The following RIT2 variants were observed in gnomAD, a reference collection of about 807,000 sequenced individuals.
The protein encoded by RIT2 is GTP-binding protein Rit2.
Under a neutral mutation model 23.7 loss-of-function variants are expected in RIT2, and 24 were observed. The ratio of observed to expected loss-of-function variants is 1.01; its 90% confidence interval spans 0.73 to 1.43. The LOEUF (loss-of-function observed/expected upper bound fraction) is 1.43. Ranked by LOEUF, RIT2 falls within the 40% of genes most tolerant of loss-of-function variation. The pLI is 0.00. For missense variants in RIT2, 236 were observed against 266.9 expected (o/e 0.88, Z 0.81); for synonymous variants, 107 against 91.1 (o/e 1.17, Z -0.99).
intron 4 of RIT2, among the ~76,000 whole-genome samples, chr18:42,775,698 A>AAAATAAATAAATAAAT (rs35398594): frequency 6.8e-6 from 1 of 148,010 alleles, no homozygotes. Context: ...CTCCATCTCA[A>AAAATAAATAAATAAAT]AAATAAATAA....
At chr18:43,102,143 CTCT>C (rs1312383699) in intron 1 of RIT2, among the ~76,000 whole-genome samples, 1 of 152,146 alleles carries the variant, frequency 6.6e-6, no homozygotes, top group Non-Finnish European at 1.5e-5. Context: ...CTATGGTCTT[CTCT>C]TCTTAGGATT....
intron 4 of RIT2, among the ~76,000 whole-genome samples, chr18:42,761,853 T>C (rs1598643753): frequency 6.6e-6 from 1 of 152,102 alleles, no homozygotes; most frequent in East Asian, 1.9e-4. Context: ...ATGAATTTGC[T>C]CTTGAGATCA....
chr18:42,920,227 A>C (rs139541915), intron 4 of RIT2, among the ~76,000 whole-genome samples: 19 of 152,284 alleles, frequency 1.2e-4, no homozygotes, highest in Non-Finnish European at 2.8e-4. Context: ...GATATAAAAA[A>C]ATAAGTTCAT....
rs537644479 is a variant in RIT2, at chr18:43,073,694, C to A, written c.104-39827G>T. Among the ~76,000 whole-genome samples, 65 of 152,234 alleles carry A rather than the reference C, an allele frequency of 4.3e-4. 1 individual carries two copies. Among genetic ancestry groups the A allele is most frequent in the Middle Eastern group, 3.4e-3 (1 of 294 alleles). On this transcript the variant is annotated intron_variant, in intron 1 of 4. Coordinates refer to ENST00000326695, the MANE Select transcript of RIT2 (RefSeq NM_002930.4). ...ATACAAAGATGAAAGCAAATATGGACCCTGCCATCCAGGAATGGCAATTAG... is the reference window on the plus strand; with the variant it reads ...ATACAAAGATGAAAGCAAATATGGAACCTGCCATCCAGGAATGGCAATTAG...
At chr18:43,100,163 G>T (rs1031254375) in intron 1 of RIT2, among the ~76,000 whole-genome samples, 2 of 152,044 alleles carry the variant, frequency 1.3e-5, no homozygotes, top group African/African-American at 4.8e-5. Context: ...GAAAGGTGAG[G>T]TTTTTCAATA....
intron 3 of RIT2, among the ~76,000 whole-genome samples, chr18:42,956,974 T>A (rs1277422098): frequency 6.6e-6 from 1 of 152,188 alleles, no homozygotes; most frequent in East Asian, 1.9e-4. Flanking sequence ...AAATGTTTAC[T>A]GATAATTCAG....
At chr18:42,920,756 G>A in intron 4 of RIT2, 1 of 1,593,500 alleles carries the variant, frequency 6.3e-7, no homozygotes, top group Non-Finnish European at 8.5e-7. Context: ...CTCTTTCAGT[G>A]TAGGCTGATA....
At chr18:43,003,950 G>T (rs1448911412) in intron 2 of RIT2, among the ~76,000 whole-genome samples, 2 of 150,766 alleles carry the variant, frequency 1.3e-5, no homozygotes, top group Non-Finnish European at 1.5e-5. Flanking sequence ...ACCTTCTGTG[G>T]CAACAGGTTC....
chr18:42,752,180 A>G (rs1175171129), intron 4 of RIT2, among the ~76,000 whole-genome samples: 2 of 152,144 alleles, frequency 1.3e-5, no homozygotes, highest in African/African-American at 4.8e-5. Flanking sequence ...TTTTAGGACC[A>G]CAGCAGTCCA....
intron 4 of RIT2, among the ~76,000 whole-genome samples, chr18:42,806,559 A>G (rs1031365239): frequency 3.3e-5 from 5 of 152,194 alleles, no homozygotes; most frequent in Non-Finnish European, 5.9e-5. Flanking sequence ...AATAAATGCA[A>G]CTTGTGGCAC....
intron 4 of RIT2, among the ~76,000 whole-genome samples, chr18:42,871,446 A>G (rs1464706280): frequency 6.6e-6 from 1 of 152,184 alleles, no homozygotes; most frequent in East Asian, 1.9e-4. Flanking sequence ...AACACATTTT[A>G]TATTTCATGA....
chr18:42,843,583 G>C lies in RIT2; in HGVS notation c.426+79989C>G, dbSNP rs147504386. 4.8e-3 allele frequency among the ~76,000 whole-genome samples: 728 copies of C among 152,270 alleles called. 1 individual carries two copies. Among genetic ancestry groups the C allele is most frequent in the Non-Finnish European group, 7.4e-3 (505 of 68,018 alleles). On this transcript the variant is annotated intron_variant, in intron 4 of 4. Transcript: ENST00000326695. ...GTAGGAGATTTTATACCTCTCTCCA[G>C]AACTCCGGATTCAAAGCATAAGTCT...
chr18:42,901,647 C>T (rs1212618881), intron 4 of RIT2, among the ~76,000 whole-genome samples: 2 of 151,934 alleles, frequency 1.3e-5, no homozygotes, highest in African/African-American at 2.4e-5. Flanking sequence ...CTGTATAACT[C>T]ATTAAATCAA....
chr18:42,839,419 C>G (rs1326405676), intron 4 of RIT2, among the ~76,000 whole-genome samples: 1 of 152,142 alleles, frequency 6.6e-6, no homozygotes, highest in Non-Finnish European at 1.5e-5. Flanking sequence ...AACTATTTCC[C>G]TCAACTGAAA....
chr18:42,925,028 T>C (rs1176073364), intron 3 of RIT2, among the ~76,000 whole-genome samples: 1 of 152,082 alleles, frequency 6.6e-6, no homozygotes, highest in Non-Finnish European at 1.5e-5. Context: ...TTGCAAGAAC[T>C]GGATCACAGA....
intron 4 of RIT2, among the ~76,000 whole-genome samples, chr18:42,763,738 A>G (rs1426668995): frequency 6.6e-6 from 1 of 152,208 alleles, no homozygotes; most frequent in Non-Finnish European, 1.5e-5. Context: ...GACTCTGGTA[A>G]TAAAACTTAG....
At chr18:42,910,667 G>T (rs1383258622) in intron 4 of RIT2, among the ~76,000 whole-genome samples, 1 of 152,042 alleles carries the variant, frequency 6.6e-6, no homozygotes, top group African/African-American at 2.4e-5. Context: ...AGTTCAGCTG[G>T]GGATAGTTGG....
rs1238353149 is a variant in RIT2 at position 42,889,964 on chromosome 18, A to G, written c.426+33608T>C. ...TGTTCTTCACAAAGGACATGCATTA[A>G]AGAGATAAAACCCCTTCCCATCTCC... On this transcript the variant is annotated intron_variant, in intron 4 of 4. Coordinates refer to ENST00000326695, the MANE Select transcript of RIT2 (RefSeq NM_002930.4). Among the ~76,000 whole-genome samples, 4 of 152,186 alleles carry G rather than the reference A, an allele frequency of 2.6e-5. No homozygotes were observed. The East Asian group carries it at 7.7e-4, about 29-fold the overall frequency.
chr18:42,933,618 ATTC>A (rs1909380683), intron 3 of RIT2, among the ~76,000 whole-genome samples: 1 of 152,088 alleles, frequency 6.6e-6, no homozygotes, highest in African/African-American at 2.4e-5. Flanking sequence ...CTTTTTGCTC[ATTC>A]TTCTCCTTCC....
Sources: gnomAD v4.1 joint callset for allele counts (sites outside exome capture counted in the v4.1 genomes callset) on GRCh38, gnomAD v4.1.1 for gene constraint, MANE v1.5 for transcripts, NCBI Gene and HGNC (gene_info 2026-07-23, HGNC 2026-07-21) for gene names.